LYPD6B: variants seen among roughly 807,000 people sequenced by gnomAD.
LYPD6B encodes ly6/PLAUR domain-containing protein 6B.
LYPD6B carries 17 observed loss-of-function variants against 22.8 expected under a neutral mutation model. The observed-to-expected ratio is 0.75, with a 90% CI of 0.51 to 1.12. The LOEUF is 1.12. Ranked by LOEUF, LYPD6B falls within the 50% of genes most tolerant of loss-of-function variation. The probability of loss-of-function intolerance (pLI) is 0.00; values close to 1 mark genes in which losing one functional copy is unlikely to be tolerated. For synonymous variants in LYPD6B, 106 were observed against 91.6 expected, an observed-to-expected ratio of 1.16 and a Z score of -0.90; for missense variants, 221 against 258.3, an observed-to-expected ratio of 0.86 and a Z score of 0.99.
chr2:149,060,851 T>A (rs1360639934), intron 1 of LYPD6B, among the ~76,000 whole-genome samples: 1 of 152,254 alleles, frequency 6.6e-6, no homozygotes, highest in Admixed American at 6.5e-5. Context: ...GCATTTAATG[T>A]CTCCTGATCT....
At chr2:149,202,325 G>C (rs1334880879) in intron 3 of LYPD6B, among the ~76,000 whole-genome samples, 1 of 152,120 alleles carries the variant, frequency 6.6e-6, no homozygotes, top group Non-Finnish European at 1.5e-5. Context: ...CCGACTCCCT[G>C]ACTGTCCAGT....
At chr2:149,194,379 T>C (rs1267362381) in intron 3 of LYPD6B, among the ~76,000 whole-genome samples, 1 of 152,080 alleles carries the variant, frequency 6.6e-6, no homozygotes, top group East Asian at 1.9e-4. Flanking sequence ...CAAGACTCAG[T>C]TGGGGTCATG....
chr2:149,060,256 C>T (rs988366717), intron 1 of LYPD6B, among the ~76,000 whole-genome samples: 5 of 152,128 alleles, frequency 3.3e-5, no homozygotes, highest in East Asian at 1.9e-4. Context: ...TCGAATCCTG[C>T]CTTGACCACT....
At chr2:149,069,331 T>C (rs1684489773) in intron 1 of LYPD6B, among the ~76,000 whole-genome samples, 1 of 152,202 alleles carries the variant, frequency 6.6e-6, no homozygotes, top group Non-Finnish European at 1.5e-5. Flanking sequence ...ACATGCCTTG[T>C]AGTTGTGCTT....
intron 1 of LYPD6B, among the ~76,000 whole-genome samples, chr2:149,092,158 G>A (rs1685683178): frequency 6.6e-6 from 1 of 152,042 alleles, no homozygotes; most frequent in African/African-American, 2.4e-5. Context: ...GGAAAGATAG[G>A]AAATGGGGAT....
chr2:149,158,234 C>T (rs1689828260), intron 2 of LYPD6B, among the ~76,000 whole-genome samples: 1 of 152,096 alleles, frequency 6.6e-6, no homozygotes, highest in South Asian at 2.1e-4. Context: ...AGACTTTTCA[C>T]ACCGTAAGTA....
At chr2:149,110,956 A>C (rs1686727909) in intron 1 of LYPD6B, among the ~76,000 whole-genome samples, 1 of 152,198 alleles carries the variant, frequency 6.6e-6, no homozygotes, top group South Asian at 2.1e-4. Context: ...ATTGAAGCAG[A>C]GACTAGAATA....
chr2:149,062,648 C>T (rs949361491), intron 1 of LYPD6B, among the ~76,000 whole-genome samples: 2 of 151,868 alleles, frequency 1.3e-5, no homozygotes, highest in Non-Finnish European at 2.9e-5. Flanking sequence ...TTCAAAATAA[C>T]CACGACAAGA....
chr2:149,078,217 T>C (rs6709479), intron 1 of LYPD6B, among the ~76,000 whole-genome samples: 56,793 of 152,018 alleles, frequency 0.37, 10,816 homozygotes, highest in South Asian at 0.44. Flanking sequence ...CCTTGCACCC[T>C]TGCCTCCCTT....
At chr2:149,040,849 C>T (rs1683047591) in intron 1 of LYPD6B, among the ~76,000 whole-genome samples, 1 of 152,200 alleles carries the variant, frequency 6.6e-6, no homozygotes, top group Admixed American at 6.5e-5. Flanking sequence ...TCCATCTTTT[C>T]ATTCATTGTT....
At chr2:149,075,163 T>C (rs1425008559) in intron 1 of LYPD6B, among the ~76,000 whole-genome samples, 3 of 152,250 alleles carry the variant, frequency 2.0e-5, no homozygotes, top group Admixed American at 6.5e-5. Flanking sequence ...TTTATGCTTT[T>C]GATTTTTAAA....
chr2:149,108,052 G>A (rs1686562804), intron 1 of LYPD6B, among the ~76,000 whole-genome samples: 1 of 152,160 alleles, frequency 6.6e-6, no homozygotes, highest in African/African-American at 2.4e-5. Flanking sequence ...TGTGTTGTGA[G>A]AGGGACCCTG....
intron 2 of LYPD6B, among the ~76,000 whole-genome samples, chr2:149,140,113 C>A (rs981376291): frequency 2.0e-5 from 3 of 151,968 alleles, no homozygotes; most frequent in African/African-American, 7.3e-5. Context: ...ACGTATATAA[C>A]CTGCTCCCAG....
At chr2:149,073,788 C>T (rs559343550) in intron 1 of LYPD6B, among the ~76,000 whole-genome samples, 1 of 152,066 alleles carries the variant, frequency 6.6e-6, no homozygotes, top group African/African-American at 2.4e-5. Flanking sequence ...CCTGGATTTG[C>T]CTGTCTCTGA....
intron 1 of LYPD6B, among the ~76,000 whole-genome samples, chr2:149,074,632 T>G (rs1349717855): frequency 6.6e-6 from 1 of 152,214 alleles, no homozygotes; most frequent in Non-Finnish European, 1.5e-5. Context: ...ATAATAAAAC[T>G]ATAATATTGC....
rs146250211 is a variant in LYPD6B at position 149,142,753 on chromosome 2, C to T, written c.5+11800C>T. Among the ~76,000 whole-genome samples the T allele has an allele frequency of 1.6e-3, 236 of 152,254 alleles. 1 individual carries two copies. The highest frequency in any genetic ancestry group is 5.5e-3 in the African/African-American group (230 of 41,566). On this transcript the variant is annotated intron_variant, in intron 2 of 6. Transcript: ENST00000409642. ...TCCTGGTCTCAAGTGATCCTTCCAT[C>T]TTAGCCCCGTGAGCAGCTGGGACTA...
In LYPD6B at chr2:149,149,801, C is replaced by T. The variant is rs567681932; in HGVS notation, c.6-10963C>T. Among the ~76,000 whole-genome samples, 6 of 152,022 alleles carry T rather than the reference C, an allele frequency of 3.9e-5. No individual in the cohort carries two copies. The East Asian group carries it at 1.2e-3, about 30-fold the overall frequency. ...ATCCATGAATCAATCCTTCCCCTTT[C>T]TTTATCTCCATGCAACCTCTAAAGG... On this transcript the variant is annotated intron_variant, in intron 2 of 6. Transcript: ENST00000409642.
intron 1 of LYPD6B, among the ~76,000 whole-genome samples, chr2:149,119,359 G>A (rs987255163): frequency 1.3e-5 from 2 of 152,202 alleles, no homozygotes; most frequent in East Asian, 3.8e-4. Flanking sequence ...CTTTATGTCT[G>A]TAAATGTGTT....
chr2:149,090,831 C>T (rs1302024878), intron 1 of LYPD6B, among the ~76,000 whole-genome samples: 1 of 152,098 alleles, frequency 6.6e-6, no homozygotes, highest in Non-Finnish European at 1.5e-5. Context: ...AGGCATTGAT[C>T]ATTTTGAAAT....
Sources: gnomAD v4.1 joint callset for allele counts (sites outside exome capture counted in the v4.1 genomes callset) on GRCh38, gnomAD v4.1.1 for gene constraint, MANE v1.5 for transcripts, NCBI Gene and HGNC (gene_info 2026-07-23, HGNC 2026-07-21) for gene names.